Variants in ROBO1 observed in about 807,000 individuals in gnomAD.
ROBO1 encodes the protein roundabout homolog 1.
A neutral mutation model predicts 195.9 loss-of-function variants in ROBO1; 149 were observed. That is an observed-to-expected ratio of 0.76 (90% confidence interval 0.67 to 0.87). ROBO1 has a LOEUF of 0.87. Among genes scored for constraint, ROBO1 ranks in the 40% least tolerant of loss-of-function variants. ROBO1 has a pLI of 0.00. For synonymous variants in ROBO1, 816 were observed against 733.2 expected (o/e 1.11, Z -1.82); for missense variants, 1,933 against 2,068.3 (o/e 0.93, Z 1.27).
intron 2 of ROBO1, among the ~76,000 whole-genome samples, chr3:79,391,469 T>G (rs2036947649): frequency 6.6e-6 from 1 of 152,126 alleles, no homozygotes; most frequent in African/African-American, 2.4e-5. Flanking sequence ...AGATGGTGAC[T>G]CCTAATTCAA....
chr3:79,052,877 C>G (rs2078730214), intron 3 of ROBO1, among the ~76,000 whole-genome samples: 1 of 152,002 alleles, frequency 6.6e-6, no homozygotes, highest in Non-Finnish European at 1.5e-5. Context: ...GATGAGTAGT[C>G]TGTGTATGGT....
At chr3:79,192,867 T>C (rs2081564597) in intron 2 of ROBO1, among the ~76,000 whole-genome samples, 1 of 151,764 alleles carries the variant, frequency 6.6e-6, no homozygotes, top group Middle Eastern at 3.4e-3. Context: ...GGAAGGATTT[T>C]TGGGGTAGGA....
intron 1 of ROBO1, among the ~76,000 whole-genome samples, chr3:79,630,475 A>C (rs1447151064): frequency 2.0e-5 from 3 of 152,040 alleles, no homozygotes. Flanking sequence ...CAAAATAGGC[A>C]TCAAAGAATC....
chr3:79,042,672 A>G (rs1394956761), intron 3 of ROBO1, among the ~76,000 whole-genome samples: 2 of 152,198 alleles, frequency 1.3e-5, no homozygotes, highest in South Asian at 2.1e-4. Context: ...GAAACTTTCT[A>G]TAAGTACAAA....
At chr3:78,745,344 A>T (rs1242333969) in intron 5 of ROBO1, among the ~76,000 whole-genome samples, 4 of 151,510 alleles carry the variant, frequency 2.6e-5, no homozygotes, top group Non-Finnish European at 4.4e-5. Context: ...TCACTAACTT[A>T]TATTAAACAT....
intron 1 of ROBO1, among the ~76,000 whole-genome samples, chr3:79,720,962 T>A (rs1203911109): frequency 6.6e-6 from 1 of 152,054 alleles, no homozygotes; most frequent in Non-Finnish European, 1.5e-5. Context: ...CCGGCTAATT[T>A]TTTGTATTTT....
In ROBO1 at chr3:78,651,638, G is replaced by C. The variant is rs115551934; in HGVS notation, c.2812+94C>G. ...TCTTTATATATTAAAACAAGTTTTA[G>C]AGGATATGCATAATCATGAATAATT... On this transcript the variant is annotated intron_variant, in intron 19 of 30. Coordinates refer to ENST00000464233, the MANE Select transcript of ROBO1 (RefSeq NM_002941.4). 4.2e-3 allele frequency: 4,262 copies of C among 1,011,346 alleles called. 124 individuals are homozygous for C. In the African/African-American group the frequency reaches 0.062, roughly 15 times the overall value. 62.6% of individuals were successfully genotyped at this position (1,011,346 alleles called of 1,614,324 possible).
At chr3:79,442,720 T>G (rs1191235638) in intron 2 of ROBO1, among the ~76,000 whole-genome samples, 1 of 152,128 alleles carries the variant, frequency 6.6e-6, no homozygotes. Flanking sequence ...GGAACCAACT[T>G]TTGATACAAA....
At chr3:79,253,141 T>G (rs1245774403) in intron 2 of ROBO1, among the ~76,000 whole-genome samples, 7 of 152,106 alleles carry the variant, frequency 4.6e-5, no homozygotes, top group Non-Finnish European at 8.8e-5. Flanking sequence ...ACAAATCAAT[T>G]ATTAGCAGTG....
chr3:79,472,748 T>C (rs948285328), intron 2 of ROBO1, among the ~76,000 whole-genome samples: 1 of 152,124 alleles, frequency 6.6e-6, no homozygotes, highest in Non-Finnish European at 1.5e-5. Context: ...ACAAGCAATA[T>C]AGATGTGAGA....
intron 5 of ROBO1, among the ~76,000 whole-genome samples, chr3:78,744,607 C>A (rs1052302638): frequency 1.3e-5 from 2 of 152,144 alleles, no homozygotes; most frequent in Non-Finnish European, 2.9e-5. Flanking sequence ...CTAGTGAATG[C>A]GTTAGGTATA....
Position 78,897,585 on chromosome 3 carries a change from A to G in ROBO1, c.499+41016T>C, listed in dbSNP as rs1036219240. Among the ~76,000 whole-genome samples the G allele has an allele frequency of 2.0e-5, 3 of 152,316 alleles. No individual in the cohort carries two copies. In the East Asian group the frequency reaches 5.8e-4, roughly 29 times the overall value. Reference sequence around the variant, plus strand: ...GTTGCACTTTTGTTATTTTGAGAGCATAAAAGATTGCCAAAAACACATTTC... The same window carrying G: ...GTTGCACTTTTGTTATTTTGAGAGCGTAAAAGATTGCCAAAAACACATTTC... On this transcript the variant is annotated intron_variant, in intron 4 of 30. Coordinates refer to ENST00000464233, the MANE Select transcript of ROBO1 (RefSeq NM_002941.4).
At chr3:78,699,213 C>T (rs1311049789) in intron 8 of ROBO1, among the ~76,000 whole-genome samples, 1 of 151,830 alleles carries the variant, frequency 6.6e-6, no homozygotes, top group Non-Finnish European at 1.5e-5. Context: ...TGGTCTTTTC[C>T]AGTCCAATCT....
At chr3:78,821,668 T>G (rs2030978368) in intron 4 of ROBO1, among the ~76,000 whole-genome samples, 1 of 152,176 alleles carries the variant, frequency 6.6e-6, no homozygotes, top group Non-Finnish European at 1.5e-5. Flanking sequence ...CCCCACCCCT[T>G]CTTTCCCAGC....
chr3:78,667,377 C>T (rs1030100215), intron 14 of ROBO1, among the ~76,000 whole-genome samples: 4 of 151,828 alleles, frequency 2.6e-5, no homozygotes, highest in African/African-American at 7.3e-5. Context: ...AATGGGGTAT[C>T]TATCACCTCA....
At chr3:79,503,212 T>C (rs1940206359) in intron 2 of ROBO1, among the ~76,000 whole-genome samples, 1 of 151,992 alleles carries the variant, frequency 6.6e-6, no homozygotes, top group Non-Finnish European at 1.5e-5. Context: ...CCAGGAGGAA[T>C]GAACAACTGC....
intron 4 of ROBO1, among the ~76,000 whole-genome samples, chr3:78,780,062 A>G (rs2083627857): frequency 6.6e-6 from 1 of 152,104 alleles, no homozygotes. Context: ...CAATGAGAAC[A>G]CATGGACACA....
chr3:79,739,655 G>C (rs1168808688), intron 1 of ROBO1, among the ~76,000 whole-genome samples: 1 of 152,130 alleles, frequency 6.6e-6, no homozygotes, highest in Non-Finnish European at 1.5e-5. Context: ...CTAAGTCATA[G>C]AAGAGAAAGA....
intron 2 of ROBO1, among the ~76,000 whole-genome samples, chr3:79,211,101 G>T (rs1005563216): frequency 4.6e-5 from 7 of 152,006 alleles, no homozygotes; most frequent in Non-Finnish European, 7.4e-5. Context: ...GTTCTGCTAC[G>T]GGAGGTTGCA....
Sources: allele counts gnomAD v4.1 joint callset (sites outside exome capture counted in the v4.1 genomes callset), GRCh38; gene constraint gnomAD v4.1.1; transcripts MANE v1.5; gene names NCBI Gene and HGNC (gene_info 2026-07-23, HGNC 2026-07-21).